The following CAPZB variants were observed in gnomAD, a reference collection of about 807,000 sequenced individuals.
CAPZB encodes capping actin protein of muscle Z-line subunit beta.
In CAPZB, 2 loss-of-function variants were observed where a neutral mutation model predicts 38.1. The observed-to-expected ratio is 0.05, with a 90% CI of 0.02 to 0.17. The LOEUF (loss-of-function observed/expected upper bound fraction) is 0.17, where lower values mean the gene tolerates loss of function less well. Ranked by LOEUF, CAPZB falls within the 10% of genes least tolerant of loss-of-function variation. The pLI is 1.00. For missense variants in CAPZB, 161 were observed against 334.2 expected, an observed-to-expected ratio of 0.48 and a Z score of 4.04; for synonymous variants, 107 against 127.4, an observed-to-expected ratio of 0.84 and a Z score of 1.08.
At chr1:19,348,275 A>G (rs1290232126) in intron 6 of CAPZB, among the ~76,000 whole-genome samples, 1 of 149,734 alleles carries the variant, frequency 6.7e-6, no homozygotes, top group Non-Finnish European at 1.5e-5. Context: ...TTTTTTTTTA[A>G]TTTTCTTTTA....
At chr1:19,431,220 T>G (rs2094440733) in intron 1 of CAPZB, among the ~76,000 whole-genome samples, 1 of 152,212 alleles carries the variant, frequency 6.6e-6, no homozygotes, top group Non-Finnish European at 1.5e-5. Context: ...CCAAACTTTT[T>G]GAGCGAAGAC....
intron 4 of CAPZB, among the ~76,000 whole-genome samples, chr1:19,366,778 G>C (rs1359866333): frequency 6.6e-6 from 1 of 152,186 alleles, no homozygotes; most frequent in Non-Finnish European, 1.5e-5. Context: ...CCCAGAGGCA[G>C]AGCCATTCCC....
intron 6 of CAPZB, among the ~76,000 whole-genome samples, chr1:19,349,556 C>T (rs1271019871): frequency 6.6e-6 from 1 of 152,186 alleles, no homozygotes; most frequent in East Asian, 1.9e-4. Context: ...AGCAATTTGG[C>T]CTCTTGGTTA....
At chr1:19,409,470 G>GTCTTT (rs2094348046) in intron 2 of CAPZB, among the ~76,000 whole-genome samples, 1 of 152,170 alleles carries the variant, frequency 6.6e-6, no homozygotes, top group Non-Finnish European at 1.5e-5. Context: ...TCACATATTA[G>GTCTTT]GCGTTTGTGT....
intron 2 of CAPZB, among the ~76,000 whole-genome samples, chr1:19,403,914 G>C (rs2094316316): frequency 6.6e-6 from 1 of 152,148 alleles, no homozygotes; most frequent in Non-Finnish European, 1.5e-5. Context: ...TCCAGCCGCA[G>C]TTCCTCCCTG....
At chr1:19,348,130 G>A (rs2093971995) in intron 6 of CAPZB, among the ~76,000 whole-genome samples, 1 of 152,212 alleles carries the variant, frequency 6.6e-6, no homozygotes, top group Admixed American at 6.5e-5. Context: ...ATAAGGGGCA[G>A]CATTCCCACC....
Position 19,339,348 on chromosome 1 carries a change from G to C in CAPZB, c.*182C>G. 1 of 653,124 alleles carries C rather than the reference G, an allele frequency of 1.5e-6. No homozygotes were observed. The highest frequency in any genetic ancestry group is 2.7e-6 in the Non-Finnish European group (1 of 364,262). The allele number at this position is 653,124 out of a possible 1,614,324, so 40.5% of individuals were successfully genotyped here. On this transcript the variant is annotated 3_prime_UTR_variant, in exon 9 of 9. Coordinates refer to ENST00000264202, the MANE Select transcript of CAPZB (RefSeq NM_004930.5). Reference sequence around the variant, plus strand: ...GCGAGGTGTGGCAGAAGCAGGCTCGGAGCCGGAGGAGGGTGGCTATCGGCT... The same window carrying C: ...GCGAGGTGTGGCAGAAGCAGGCTCGCAGCCGGAGGAGGGTGGCTATCGGCT...
intron 2 of CAPZB, among the ~76,000 whole-genome samples, chr1:19,398,878 CT>C (rs35605042): frequency 0.54 from 76,011 of 140,736 alleles, 20,103 homozygotes; most frequent in Middle Eastern, 0.58. Context: ...CTGCACAACT[CT>C]TTTTTTTTTT....
At chr1:19,446,015 C>T (rs1052744353) in intron 1 of CAPZB, among the ~76,000 whole-genome samples, 1 of 152,204 alleles carries the variant, frequency 6.6e-6, no homozygotes, top group Non-Finnish European at 1.5e-5. Flanking sequence ...GGAGGCCTCT[C>T]GGCATCACCT....
At chr1:19,429,606 G>A (rs1057068581) in intron 1 of CAPZB, among the ~76,000 whole-genome samples, 5 of 152,192 alleles carry the variant, frequency 3.3e-5, no homozygotes, top group African/African-American at 1.2e-4. Flanking sequence ...ACCGCCCACA[G>A]AGCATCCTCC....
intron 2 of CAPZB, among the ~76,000 whole-genome samples, chr1:19,392,069 G>A (rs2094238754): frequency 6.6e-6 from 1 of 152,106 alleles, no homozygotes; most frequent in African/African-American, 2.4e-5. Flanking sequence ...TATAATCCCA[G>A]CTACTCAGGA....
In CAPZB at chr1:19,345,588, G is replaced by A. The variant is rs573539762; in HGVS notation, c.589-336C>T. On this transcript the variant is annotated intron_variant, in intron 6 of 8. Coordinates refer to ENST00000264202, the MANE Select transcript of CAPZB (RefSeq NM_004930.5). ...CGAGCCAACTGGAGAAGACTCACTCGGTTTGTCTTCAGGCCTCTACTGGCA... is the reference window on the plus strand; with the variant it reads ...CGAGCCAACTGGAGAAGACTCACTCAGTTTGTCTTCAGGCCTCTACTGGCA... Among the ~76,000 whole-genome samples, 4 of 152,354 alleles carry A rather than the reference G, an allele frequency of 2.6e-5. No individual in the cohort carries two copies. In the South Asian group the frequency reaches 8.3e-4, roughly 32 times the overall value.
chr1:19,367,517 G>C lies in CAPZB; in HGVS notation c.330-9954C>G, dbSNP rs557172192. On this transcript the variant is annotated intron_variant, in intron 4 of 8. Coordinates refer to ENST00000264202, the MANE Select transcript of CAPZB (RefSeq NM_004930.5). Reference sequence around the variant, plus strand: ...CAAAATGGAGAAAGATCAATGCTTGGCTTTGGGCGGGCCATGTCCAGAGCT... The same window carrying C: ...CAAAATGGAGAAAGATCAATGCTTGCCTTTGGGCGGGCCATGTCCAGAGCT... 5.9e-5 allele frequency among the ~76,000 whole-genome samples: 9 copies of C among 152,320 alleles called. No individual in the cohort carries two copies. The South Asian group carries it at 1.2e-3, about 21-fold the overall frequency.
At chr1:19,467,577 C>T (rs2094573027) in intron 1 of CAPZB, among the ~76,000 whole-genome samples, 2 of 152,178 alleles carry the variant, frequency 1.3e-5, no homozygotes. Context: ...CCTTTAACAC[C>T]CGCCCTGAGA....
chr1:19,457,778 C>G (rs1258090774), intron 1 of CAPZB, among the ~76,000 whole-genome samples: 1 of 151,970 alleles, frequency 6.6e-6, no homozygotes, highest in Non-Finnish European at 1.5e-5. Flanking sequence ...TACTGTGGCA[C>G]GGTAACGTTA....
In CAPZB at chr1:19,482,717, T is replaced by C. The variant is rs142272580; in HGVS notation, c.3+2719A>G. On this transcript the variant is annotated intron_variant, in intron 1 of 8. Transcript: ENST00000264202. ...TGCATTTTAGATTCTCAAGTCACTA[T>C]TTCCCTCAATGGATAACAGAGATCT... 1.3e-4 allele frequency among the ~76,000 whole-genome samples: 20 copies of C among 152,348 alleles called. 1 individual carries two copies. The highest frequency in any genetic ancestry group is 3.6e-4 in the African/African-American group (15 of 41,576).
chr1:19,390,217 TTAAG>T (rs1173670367), intron 2 of CAPZB, among the ~76,000 whole-genome samples: 8 of 152,188 alleles, frequency 5.3e-5, no homozygotes, highest in Non-Finnish European at 8.8e-5. Flanking sequence ...AGAAATCACA[TTAAG>T]TGTCACAGAC....
chr1:19,346,984 C>T (rs1047417952), intron 6 of CAPZB, among the ~76,000 whole-genome samples: 7 of 151,458 alleles, frequency 4.6e-5, no homozygotes, highest in Non-Finnish European at 7.4e-5. Context: ...CCACCACGTC[C>T]GGCTTTTTTT....
chr1:19,351,696 G>A (rs952086972), intron 6 of CAPZB, among the ~76,000 whole-genome samples: 1 of 152,204 alleles, frequency 6.6e-6, no homozygotes, highest in Non-Finnish European at 1.5e-5. Context: ...CAAGGTCTGG[G>A]TGATTCTGAA....
Sources: gnomAD v4.1 joint callset for allele counts (sites outside exome capture counted in the v4.1 genomes callset) on GRCh38, gnomAD v4.1.1 for gene constraint, MANE v1.5 for transcripts, NCBI Gene and HGNC (gene_info 2026-07-23, HGNC 2026-07-21) for gene names.